Variants in DYM observed in about 807,000 individuals in gnomAD.
DYM encodes dyggve-Melchior-Clausen syndrome protein.
In DYM, 78 loss-of-function variants were observed where a neutral mutation model predicts 93.1. The ratio of observed to expected loss-of-function variants is 0.84; its 90% CI spans 0.70 to 1.01. The LOEUF (loss-of-function observed/expected upper bound fraction) is 1.01. Among genes scored for constraint, DYM ranks in the 50% least tolerant of loss-of-function variants. The pLI, the probability that DYM is intolerant of heterozygous loss-of-function variation, is 0.00. For synonymous variants in DYM, 321 were observed against 319.7 expected (o/e 1.00, Z -0.04); for missense variants, 789 against 845.0 (o/e 0.93, Z 0.82).
chr18:49,170,109 G>A (rs1199884406), intron 14 of DYM, among the ~76,000 whole-genome samples: 1 of 152,126 alleles, frequency 6.6e-6, no homozygotes, highest in Non-Finnish European at 1.5e-5. Flanking sequence ...CAGCAGTTAT[G>A]AGTTATATAT....
chr18:49,267,678 G>A (rs1366868505), intron 11 of DYM, among the ~76,000 whole-genome samples: 2 of 152,258 alleles, frequency 1.3e-5, no homozygotes, highest in South Asian at 2.1e-4. Flanking sequence ...TGGATCACTC[G>A]AGGTCAGGAG....
chr18:49,082,095 T>C (rs1308119633), intron 17 of DYM, among the ~76,000 whole-genome samples: 2 of 152,268 alleles, frequency 1.3e-5, no homozygotes, highest in Non-Finnish European at 2.9e-5. Flanking sequence ...AGGATTCTTC[T>C]ACTCTCTTCA....
chr18:49,249,972 G>A (rs189867729), intron 13 of DYM, among the ~76,000 whole-genome samples: 1 of 152,286 alleles, frequency 6.6e-6, no homozygotes, highest in African/African-American at 2.4e-5. Context: ...TTCTCAAGAG[G>A]TGTGAAAACC....
chr18:49,066,920 G>C (rs1326915036), intron 17 of DYM, among the ~76,000 whole-genome samples: 1 of 152,192 alleles, frequency 6.6e-6, no homozygotes, highest in Admixed American at 6.5e-5. Flanking sequence ...TGCAGTGTGT[G>C]TCTATTGTAT....
chr18:49,220,137 G>C (rs1396010011), intron 13 of DYM, among the ~76,000 whole-genome samples: 3 of 152,060 alleles, frequency 2.0e-5, no homozygotes, highest in African/African-American at 7.2e-5. Context: ...CAAATCATGA[G>C]TGAACTCCCA....
chr18:49,223,697 G>C (rs1008379187), intron 13 of DYM, among the ~76,000 whole-genome samples: 1 of 151,952 alleles, frequency 6.6e-6, no homozygotes, highest in African/African-American at 2.4e-5. Flanking sequence ...TGAATAGATA[G>C]GTAAGGGAAA....
intron 10 of DYM, among the ~76,000 whole-genome samples, chr18:49,278,280 G>A (rs1364094327): frequency 1.3e-5 from 2 of 152,188 alleles, no homozygotes; most frequent in African/African-American, 2.4e-5. Flanking sequence ...AAATGAGTAC[G>A]ATATCAAAAT....
At chr18:49,291,957 C>G (rs1292747767) in intron 8 of DYM, among the ~76,000 whole-genome samples, 1 of 152,130 alleles carries the variant, frequency 6.6e-6, no homozygotes, top group Non-Finnish European at 1.5e-5. Flanking sequence ...TGCTCCATGA[C>G]AGTCAGCTCC....
chr18:49,197,228 T>G (rs1466351310), intron 14 of DYM, among the ~76,000 whole-genome samples: 1 of 152,142 alleles, frequency 6.6e-6, no homozygotes. Context: ...TATTGGCATG[T>G]GGATGTCATG....
intron 15 of DYM, among the ~76,000 whole-genome samples, chr18:49,151,513 C>G (rs919145395): frequency 6.6e-6 from 1 of 152,086 alleles, no homozygotes; most frequent in African/African-American, 2.4e-5. Context: ...TAATAAGATA[C>G]CAGCTTAAAA....
intron 15 of DYM, among the ~76,000 whole-genome samples, chr18:49,130,357 T>C (rs979025424): frequency 6.6e-6 from 1 of 152,208 alleles, no homozygotes; most frequent in East Asian, 1.9e-4. Flanking sequence ...CTCCCATTAA[T>C]AGTCTAAAAG....
At chr18:49,432,212 T>A (rs1183675412) in intron 1 of DYM, among the ~76,000 whole-genome samples, 1 of 151,108 alleles carries the variant, frequency 6.6e-6, no homozygotes, top group African/African-American at 2.4e-5. Flanking sequence ...ATGCCTGTAA[T>A]CCCAGCTACT....
chr18:49,059,455 G>C (rs2075770607), intron 17 of DYM, among the ~76,000 whole-genome samples: 1 of 152,098 alleles, frequency 6.6e-6, no homozygotes, highest in African/African-American at 2.4e-5. Context: ...GTAATCACTA[G>C]TGCTTTAACA....
At chr18:49,205,696 G>A (rs943979378) in intron 14 of DYM, among the ~76,000 whole-genome samples, 1 of 152,140 alleles carries the variant, frequency 6.6e-6, no homozygotes, top group Non-Finnish European at 1.5e-5. Context: ...GGGAGTCAAT[G>A]ACAGGTGTTT....
At chr18:49,189,049 A>G (rs2145641419) in intron 14 of DYM, among the ~76,000 whole-genome samples, 1 of 152,140 alleles carries the variant, frequency 6.6e-6, no homozygotes, top group East Asian at 1.9e-4. Flanking sequence ...GTGAATTAAC[A>G]CAGAAAAAAA....
Position 49,332,008 on chromosome 18 carries a change from T to C in DYM, c.621-2A>G, listed in dbSNP as rs775414124. On this transcript the variant is annotated splice_acceptor_variant, in intron 7 of 17. Transcript: ENST00000675505. LOFTEE classifies it high-confidence loss of function. ...ACAAGTTTGCTGGTGTATGGAAGAC[T>C]ATACAAAAAGGAAAAAAAAATCAAA... 6 of 1,612,988 alleles carry C rather than the reference T, an allele frequency of 3.7e-6. No individual in the cohort carries two copies. In the Admixed American group the frequency reaches 1.0e-4, roughly 27 times the overall value.
chr18:49,286,102 G>C (rs568293475), intron 9 of DYM, among the ~76,000 whole-genome samples: 10 of 151,716 alleles, frequency 6.6e-5, no homozygotes, highest in Admixed American at 6.6e-5. Context: ...CTAGAACACA[G>C]ACTTTAACTG....
At chr18:49,262,700 C>A (rs1035108986) in intron 11 of DYM, among the ~76,000 whole-genome samples, 2 of 152,114 alleles carry the variant, frequency 1.3e-5, no homozygotes, top group African/African-American at 4.8e-5. Flanking sequence ...CAGCAGAGAA[C>A]AAAGAACTGT....
At chr18:49,159,607 C>A (rs1226175930) in intron 15 of DYM, among the ~76,000 whole-genome samples, 1 of 152,148 alleles carries the variant, frequency 6.6e-6, no homozygotes, top group Non-Finnish European at 1.5e-5. Context: ...ATCTGTAGGG[C>A]ACAGTGGCTC....
Sources: gnomAD v4.1 joint callset for allele counts (sites outside exome capture counted in the v4.1 genomes callset) on GRCh38, gnomAD v4.1.1 for gene constraint, MANE v1.5 for transcripts, NCBI Gene and HGNC (gene_info 2026-07-23, HGNC 2026-07-21) for gene names.